Variants in TBC1D32 observed in about 807,000 individuals in gnomAD.
TBC1D32 encodes the protein TBC1 domain family member 32, also known as protein broad-minded.
In TBC1D32, 151 loss-of-function variants were observed where a neutral mutation model predicts 170.3. That is an observed-to-expected ratio of 0.89 (90% CI 0.78 to 1.01). TBC1D32 has a LOEUF of 1.01. Ranked by LOEUF, TBC1D32 falls within the 50% of genes least tolerant of loss-of-function variation. TBC1D32 has a pLI of 0.00. For missense variants in TBC1D32, 1,464 were observed against 1,457.1 expected (o/e 1.00, Z -0.08); for synonymous variants, 498 against 488.0 (o/e 1.02, Z -0.27).
rs1372988034 is a variant in TBC1D32 at position 121,198,764 on chromosome 6, TA to T, written c.2570+6310del. The stretch of plus-strand genomic sequence containing the variant: ...AGACTCTTGTCTCAAAAATAAAAAA[TA>T]AAAAAAAGAAGTGATCATCGAAGGC... On this transcript the variant is annotated intron_variant, in intron 22 of 31. Transcript: ENST00000398212. Among the ~76,000 whole-genome samples the T allele has an allele frequency of 2.0e-5, 3 of 149,384 alleles. No individual in the cohort carries two copies. The South Asian group carries it at 6.3e-4, about 32-fold the overall frequency.
chr6:121,283,834 T>C lies in TBC1D32; in HGVS notation c.1449A>G (p.Thr483=), dbSNP rs1803394357. 2 of 1,608,422 alleles carry C rather than the reference T, an allele frequency of 1.2e-6. No homozygotes were observed. The highest frequency in any genetic ancestry group is 8.5e-7 in the Non-Finnish European group (1 of 1,176,252). ...CAGAATTACCTGAATGGGCAGCTGA[T>C]GTCATCTTTGGACAACTTGGTGAGT... ...IYYSPSCPKM[T]SAAHSENYSP... Residue 483 remains threonine (T), a synonymous_variant, in exon 13 of 32, where the codon ACA becomes ACG. Coordinates refer to ENST00000398212, the MANE Select transcript of TBC1D32 (RefSeq NM_152730.6).
At chr6:121,081,032 G>C in intron 31 of TBC1D32, 142 bp from the exon 32 acceptor site, 1 of 885,608 alleles carries the variant, frequency 1.1e-6, no homozygotes, top group South Asian at 1.9e-5. Flanking sequence ...ATGTGTCATT[G>C]CTTTTTATTT....
chr6:121,089,748 G>A (rs1299717600), intron 31 of TBC1D32, among the ~76,000 whole-genome samples: 1 of 151,940 alleles, frequency 6.6e-6, no homozygotes, highest in Non-Finnish European at 1.5e-5. Flanking sequence ...GAAAAATATC[G>A]TTAAATGGAA....
chr6:121,103,483 G>A (rs1778361366), intron 30 of TBC1D32, among the ~76,000 whole-genome samples: 3 of 150,010 alleles, frequency 2.0e-5, no homozygotes, highest in African/African-American at 7.4e-5. Context: ...CTATTGCAAG[G>A]ACAGAAAACC....
At chr6:121,270,773 C>A (rs1307613068) in intron 15 of TBC1D32, among the ~76,000 whole-genome samples, 1 of 152,204 alleles carries the variant, frequency 6.6e-6, no homozygotes, top group Non-Finnish European at 1.5e-5. Flanking sequence ...AGGCCAGCAT[C>A]ATCCTGATAC....
chr6:121,221,269 A>G (rs1583277789), intron 21 of TBC1D32, among the ~76,000 whole-genome samples: 1 of 152,332 alleles, frequency 6.6e-6, no homozygotes, highest in East Asian at 1.9e-4. Context: ...TGCTCAGTAA[A>G]AAGATTCCTT....
chr6:121,290,838 A>T (rs1290833608), intron 12 of TBC1D32, among the ~76,000 whole-genome samples: 1 of 152,156 alleles, frequency 6.6e-6, no homozygotes, highest in Non-Finnish European at 1.5e-5. Context: ...TGATGAGTTC[A>T]TGTCTTTTGT....
At chr6:121,147,833 C>T (rs1369861151) in intron 24 of TBC1D32, among the ~76,000 whole-genome samples, 3 of 151,722 alleles carry the variant, frequency 2.0e-5, no homozygotes, top group South Asian at 2.1e-4. Flanking sequence ...ATCTCAGGAT[C>T]GGCCTGCCTC....
intron 1 of TBC1D32, among the ~76,000 whole-genome samples, chr6:121,330,839 C>T (rs1211235397): frequency 1.3e-5 from 2 of 152,146 alleles, no homozygotes; most frequent in Non-Finnish European, 2.9e-5. Context: ...TAAAAATTTA[C>T]ACAACACATA....
intron 24 of TBC1D32, among the ~76,000 whole-genome samples, chr6:121,135,362 T>C (rs1010148185): frequency 1.3e-5 from 2 of 152,104 alleles, no homozygotes; most frequent in African/African-American, 4.8e-5. Flanking sequence ...CTGGCCACGA[T>C]GGAGGAACTA....
At chr6:121,098,645 T>C (rs1777689077) in intron 30 of TBC1D32, among the ~76,000 whole-genome samples, 1 of 152,024 alleles carries the variant, frequency 6.6e-6, no homozygotes, top group South Asian at 2.1e-4. Context: ...TATATATCCA[T>C]ACCTTTAAAG....
intron 22 of TBC1D32, among the ~76,000 whole-genome samples, chr6:121,196,043 C>A (rs1442984824): frequency 6.6e-6 from 1 of 152,144 alleles, no homozygotes; most frequent in Non-Finnish European, 1.5e-5. Context: ...GTGGATGGAC[C>A]TCTTTGAGTG....
chr6:121,149,238 C>T lies in TBC1D32; in HGVS notation c.2773+10772G>A, dbSNP rs560026001. Among the ~76,000 whole-genome samples, 5 of 152,192 alleles carry T rather than the reference C, an allele frequency of 3.3e-5. No individual in the cohort carries two copies. In the South Asian group the frequency reaches 8.3e-4, roughly 25 times the overall value. On this transcript the variant is annotated intron_variant, in intron 24 of 31. Transcript: ENST00000398212. ...TTCACTCTGATGATAGTTTCTTTTG[C>T]TGTGCAGGAACTCTGTAGTTTAATT...
rs780564711 is a variant in TBC1D32, at chr6:121,256,185, C to T, written c.1834G>A (p.Ala612Thr). ...ATGTGACGACACACAGAAATAAAAGCTCCTTTAACCACAGGCAACATTTCT... is the reference window on the plus strand; with the variant it reads ...ATGTGACGACACACAGAAATAAAAGTTCCTTTAACCACAGGCAACATTTCT... ...GSEMLPVVKGAFISVCRHIYS... is the reference protein window; with the variant it reads ...GSEMLPVVKGTFISVCRHIYS... Residue 612 changes from alanine to threonine, a missense_variant, in exon 16 of 32, where the codon GCT becomes ACT. Coordinates refer to ENST00000398212, the MANE Select transcript of TBC1D32 (RefSeq NM_152730.6). 2 of 1,613,922 alleles carry T rather than the reference C, an allele frequency of 1.2e-6. No individual in the cohort carries two copies. The highest frequency in any genetic ancestry group is 4.5e-5 in the East Asian group (2 of 44,846).
chr6:121,141,077 A>G (rs1782724191), intron 24 of TBC1D32, among the ~76,000 whole-genome samples: 1 of 152,194 alleles, frequency 6.6e-6, no homozygotes, highest in East Asian at 1.9e-4. Context: ...CTACTACTTA[A>G]GGCAAACAGC....
Position 121,160,943 on chromosome 6 carries a change from C to T in TBC1D32, c.2679+5G>A, listed in dbSNP as rs1388261510. The T allele has an allele frequency of 2.5e-6, 4 of 1,610,510 alleles. No homozygotes were observed. Among genetic ancestry groups the T allele is most frequent in the South Asian group, 1.1e-5 (1 of 90,904 alleles). On this transcript the variant is annotated splice_donor_5th_base_variant and intron_variant, in intron 23 of 31. Coordinates refer to ENST00000398212, the MANE Select transcript of TBC1D32 (RefSeq NM_152730.6). ...ACATCCCACTTCTCTTTGCCCCACA[C>T]TCACCTTTTCGAGTAACCTCGGAGG...
At chr6:121,173,486 A>G (rs77880662) in intron 22 of TBC1D32, among the ~76,000 whole-genome samples, 2,156 of 152,174 alleles carry the variant, frequency 0.014, 23 homozygotes, top group Non-Finnish European at 0.024. Context: ...AGAAAAACAA[A>G]ATAAAATTCC....
intron 13 of TBC1D32, among the ~76,000 whole-genome samples, chr6:121,283,161 T>A (rs1364756092): frequency 6.6e-6 from 1 of 151,818 alleles, no homozygotes; most frequent in African/African-American, 2.4e-5. Context: ...TCACTTGAGT[T>A]CGTCTCAGAA....
chr6:121,299,843 GAA>G (rs979386929), intron 9 of TBC1D32, among the ~76,000 whole-genome samples: 1 of 151,872 alleles, frequency 6.6e-6, no homozygotes, highest in Non-Finnish European at 1.5e-5. Context: ...ACATAGTGGG[GAA>G]AAAAAATTAA....
Sources: gnomAD v4.1 joint callset for allele counts (sites outside exome capture counted in the v4.1 genomes callset) on GRCh38, gnomAD v4.1.1 for gene constraint, MANE v1.5 for transcripts, NCBI Gene and HGNC (gene_info 2026-07-23, HGNC 2026-07-21) for gene names.